The following SLCO4A1 variants were observed in gnomAD, a reference collection of about 807,000 sequenced individuals.
SLCO4A1 encodes solute carrier organic anion transporter family member 4A1, also known as colon organic anion transporter.
In SLCO4A1, 51 loss-of-function variants were observed where a neutral mutation model predicts 64.6. The observed-to-expected ratio is 0.79, with a 90% confidence interval of 0.63 to 1.00. The LOEUF is 1.00. SLCO4A1 is among the 50% of genes least tolerant of loss of function. The pLI, the probability that SLCO4A1 is intolerant of heterozygous loss-of-function variation, is 0.00. For missense variants in SLCO4A1, 919 were observed against 980.5 expected (o/e 0.94, Z 0.84); for synonymous variants, 471 against 444.9 (o/e 1.06, Z -0.74).
chr20:62,680,821 C>T (rs1987792533), intron 2 of SLCO4A1, among the ~76,000 whole-genome samples: 1 of 152,154 alleles, frequency 6.6e-6, no homozygotes, highest in South Asian at 2.1e-4. Context: ...ATATTGGTCT[C>T]TAGTTTTATT....
In SLCO4A1 at chr20:62,660,401, C is replaced by T; in HGVS notation, c.888-11C>T. 6.3e-7 allele frequency: 1 copy of T among 1,597,146 alleles called. No homozygotes were observed. Among genetic ancestry groups the T allele is most frequent in the Non-Finnish European group, 8.5e-7 (1 of 1,178,562 alleles). On this transcript the variant is annotated splice_polypyrimidine_tract_variant and intron_variant, in intron 3 of 11. Coordinates refer to ENST00000217159, the MANE Select transcript of SLCO4A1 (RefSeq NM_016354.4). ...TGCACGCTGACCCAGGTGCCACTGCCTCTTCCACAGGACGGAGCTGACCAC... is the reference window on the plus strand; with the variant it reads ...TGCACGCTGACCCAGGTGCCACTGCTTCTTCCACAGGACGGAGCTGACCAC...
chr20:62,687,129 GGCACGATGGGTGGGGCA>G (rs1988089252), downstream of SLCO4A1, among the ~76,000 whole-genome samples: 10 of 151,284 alleles, frequency 6.6e-5, no homozygotes, highest in African/African-American at 2.0e-4. Flanking sequence ...CCCCCAAACA[GGCACGATGGGTGGGGCA>G]CCCCCAAACA....
At chr20:62,668,691 G>A in intron 10 of SLCO4A1, 150 bp downstream of exon 10, 3 of 853,794 alleles carry the variant, frequency 3.5e-6, no homozygotes, top group South Asian at 2.9e-5. Context: ...CTGTCCACTA[G>A]AGGGGCCCAT....
rs757968218 is a variant in SLCO4A1 at position 62,660,531 on chromosome 20, C to T, written c.1007C>T (p.Pro336Leu). ...VPILGYPRQLPGSQRYAVMRA... is the reference protein window; with the variant it reads ...VPILGYPRQLLGSQRYAVMRA... ...ATCCTTGGTTACCCTCGGCAGCTGC[C>T]AGGTGGGTTTCCCTTCCCCAGCCCA... Residue 336 changes from proline (P) to leucine (L), a missense_variant and splice_region_variant, in exon 4 of 12, where the codon CCA (proline) becomes CTA (leucine). Pro to Leu is a moderately conservative substitution (Grantham distance 98). Transcript: ENST00000217159. 2 of 1,604,796 alleles carry T rather than the reference C, an allele frequency of 1.2e-6. No individual in the cohort carries two copies.
At chr20:62,663,062 C>G (rs946448134) in intron 5 of SLCO4A1, 5 of 152,206 alleles carry the variant, frequency 3.3e-5, no homozygotes, top group African/African-American at 7.2e-5. Context: ...CCATTTTAAT[C>G]AGGGAAGGGG....
At chr20:62,684,892 C>T (rs915368186) in intron 2 of SLCO4A1, among the ~76,000 whole-genome samples, 2 of 152,156 alleles carry the variant, frequency 1.3e-5, no homozygotes, top group African/African-American at 4.8e-5. Flanking sequence ...AGCAACGACC[C>T]GACCACACCA....
At chr20:62,648,548 C>T (rs1981838645) in intron 1 of SLCO4A1, among the ~76,000 whole-genome samples, 1 of 152,192 alleles carries the variant, frequency 6.6e-6, no homozygotes. Flanking sequence ...GAGACCTTGT[C>T]CCTCATTCTG....
intron 11 of SLCO4A1, among the ~76,000 whole-genome samples, chr20:62,670,870 C>T (rs1483903537): frequency 6.6e-6 from 1 of 152,282 alleles, no homozygotes; most frequent in African/African-American, 2.4e-5. Flanking sequence ...AACAGCCTCA[C>T]TCCCTGAATG....
In SLCO4A1 at chr20:62,661,778, C is replaced by T. The variant is rs1407426948; in HGVS notation, c.1121+603C>T. Among the ~76,000 whole-genome samples the T allele has an allele frequency of 6.6e-6, 1 of 152,038 alleles. No individual in the cohort carries two copies. Among genetic ancestry groups the T allele is most frequent in the Admixed American group, 6.5e-5 (1 of 15,282 alleles). On this transcript the variant is annotated intron_variant, in intron 5 of 11. Transcript: ENST00000217159. The surrounding 1 kb of genome is among the most constrained non-coding windows in gnomAD (Gnocchi z 5.2). ...CGTCTGCCTTGGCTGCCTTCCCTTT[C>T]TGCTGAGTGTGGTCCGGCCTTGCTT...
At chr20:62,688,322 C>T (rs1305621371), downstream of SLCO4A1, among the ~76,000 whole-genome samples, 1 of 152,070 alleles carries the variant, frequency 6.6e-6, no homozygotes, top group Non-Finnish European at 1.5e-5. Flanking sequence ...AGGGAGGCTG[C>T]CCCCTACACC....
intron 2 of SLCO4A1, among the ~76,000 whole-genome samples, chr20:62,684,864 G>T (rs138876673): frequency 6.6e-6 from 1 of 152,154 alleles, no homozygotes; most frequent in Non-Finnish European, 1.5e-5. Context: ...CCCCATGGCC[G>T]TGGTGAGTTT....
At chr20:62,663,938 C>T (rs898358913) in intron 5 of SLCO4A1, among the ~76,000 whole-genome samples, 1 of 152,204 alleles carries the variant, frequency 6.6e-6, no homozygotes, top group Non-Finnish European at 1.5e-5. Flanking sequence ...AGCGGTTGGG[C>T]GTTAGCCCTG....
chr20:62,658,836 C>A, intron 3 of SLCO4A1, 69 bp downstream of exon 3: 2 of 1,315,784 alleles, frequency 1.5e-6, no homozygotes, highest in South Asian at 2.5e-5. Flanking sequence ...GGTTCAGAGT[C>A]AGCAGGGCCC....
At chr20:62,658,065 G>A (rs1015668182) in intron 2 of SLCO4A1, among the ~76,000 whole-genome samples, 27 of 152,282 alleles carry the variant, frequency 1.8e-4, no homozygotes, top group Admixed American at 1.0e-3. Context: ...CCCACTTCTC[G>A]GCGTCCCCCT....
chr20:62,660,870 C>T lies in SLCO4A1; in HGVS notation c.1010-194C>T, dbSNP rs536467215. Among the ~76,000 whole-genome samples the T allele has an allele frequency of 5.3e-5, 8 of 152,288 alleles. No individual in the cohort carries two copies. In the East Asian group the frequency reaches 1.5e-3, roughly 29 times the overall value. On this transcript the variant is annotated intron_variant, in intron 4 of 11. Coordinates refer to ENST00000217159, the MANE Select transcript of SLCO4A1 (RefSeq NM_016354.4). Reference sequence around the variant, plus strand: ...CCCCAGCTCTCCCACACCTCCAAACCCGGCTTGTGCTGCATTCTCACGTGG... The same window carrying T: ...CCCCAGCTCTCCCACACCTCCAAACTCGGCTTGTGCTGCATTCTCACGTGG...
At position 62,656,825 on chromosome 20, in the gene SLCO4A1, T is replaced by A. The variant is rs889246938; in HGVS notation, c.371T>A (p.Ile124Asn). ...CAGGGGATGACTGTGAATGGCTTCA[T>A]CAACACAGTCATCACCTCCCTGGAG... Reference protein sequence around the residue: ...FLQGMTVNGFINTVITSLERR... With the variant: ...FLQGMTVNGFNNTVITSLERR... The change falls in exon 2 of 12, where the codon ATC becomes AAC. Residue 124 changes from isoleucine to asparagine, a missense_variant. Transcript: ENST00000217159. 1.9e-6 allele frequency: 3 copies of A among 1,612,444 alleles called. No individual in the cohort carries two copies. The highest frequency in any genetic ancestry group is 1.7e-5 in the Admixed American group (1 of 59,976).
intron 5 of SLCO4A1, chr20:62,663,505 G>A (rs1225531740): frequency 6.6e-6 from 1 of 152,258 alleles, no homozygotes; most frequent in Non-Finnish European, 1.5e-5. Context: ...GTGAGCAGAG[G>A]CGACATGGAC....
chr20:62,647,693 A>T (rs1004616303), intron 1 of SLCO4A1, among the ~76,000 whole-genome samples: 1 of 152,238 alleles, frequency 6.6e-6, no homozygotes, highest in Non-Finnish European at 1.5e-5. Context: ...AAGTAAGTGC[A>T]TGGGGCCTAG....
At chr20:62,663,974 CAGGG>C (rs1253328915) in intron 5 of SLCO4A1, among the ~76,000 whole-genome samples, 5 of 152,200 alleles carry the variant, frequency 3.3e-5, no homozygotes, top group African/African-American at 7.2e-5. Flanking sequence ...CTAACAAAAA[CAGGG>C]AGAGCCTCCA....
Sources: allele counts gnomAD v4.1 joint callset (sites outside exome capture counted in the v4.1 genomes callset), GRCh38; gene constraint gnomAD v4.1.1; non-coding constraint Gnocchi (gnomAD v3.1); transcripts MANE v1.5; gene names NCBI Gene and HGNC (gene_info 2026-07-23, HGNC 2026-07-21).